Variants in SHROOM4 observed in about 807,000 individuals in gnomAD.
SHROOM4 encodes protein Shroom4.
A neutral mutation model predicts 80.3 loss-of-function variants in SHROOM4; 17 were observed. The ratio of observed to expected loss-of-function variants is 0.21; its 90% CI spans 0.14 to 0.32. The LOEUF is 0.32. Ranked by LOEUF, SHROOM4 falls within the 10% of genes least tolerant of loss-of-function variation. The pLI, the probability that SHROOM4 is intolerant of heterozygous loss-of-function variation, is 1.00. For missense variants in SHROOM4, 993 were observed against 1,140.3 expected, an observed-to-expected ratio of 0.87 and a Z score of 1.86; for synonymous variants, 400 against 437.5, an observed-to-expected ratio of 0.91 and a Z score of 1.07.
intron 1 of SHROOM4, among the ~76,000 whole-genome samples, chrX:50,772,592 AG>A (rs1439125136): frequency 2.7e-5 from 3 of 111,653 alleles, no homozygotes; most frequent in African/African-American, 9.8e-5. Context: ...TACTTACGCC[AG>A]AAAGACCCCA....
chrX:50,617,671 A>G (rs1930306849), intron 5 of SHROOM4, among the ~76,000 whole-genome samples: 1 of 96,023 alleles, frequency 1.0e-5, no homozygotes, highest in Non-Finnish European at 2.0e-5. Flanking sequence ...CAGTTGGAAG[A>G]AAAGAACATG....
chrX:50,633,891 A>G lies in SHROOM4; in HGVS notation c.2182T>C (p.Trp728Arg). ...HCGVRGGHWR[W>R]SPEHNSQPLV... ...GGCTGTGAATTATGCTCTGGAGACCATCTCCAATGACCTCCACGGACTCCA... is the reference window on the plus strand; with the variant it reads ...GGCTGTGAATTATGCTCTGGAGACCGTCTCCAATGACCTCCACGGACTCCA... The change falls in exon 4 of 9, where the codon TGG (tryptophan) becomes CGG (arginine). Residue 728 changes from tryptophan (W) to arginine (R), a missense_variant. Physicochemically the swap from Trp to Arg is moderately radical, Grantham distance 101 (BLOSUM62 -3). Coordinates refer to ENST00000376020, the MANE Select transcript of SHROOM4 (RefSeq NM_020717.5). 8.3e-7 allele frequency: 1 copy of G among 1,211,687 alleles called. No homozygotes were observed. The highest frequency in any genetic ancestry group is 1.1e-6 in the Non-Finnish European group (1 of 895,464).
At chrX:50,654,546 G>A (rs939168408) in intron 2 of SHROOM4, among the ~76,000 whole-genome samples, 1 of 110,334 alleles carries the variant, frequency 9.1e-6, no homozygotes, top group South Asian at 3.9e-4. Context: ...ATTTTTTGTG[G>A]TGAGAACATC....
At chrX:50,650,288 A>G (rs1557258482) in intron 2 of SHROOM4, among the ~76,000 whole-genome samples, 1 of 112,000 alleles carries the variant, frequency 8.9e-6, no homozygotes, top group East Asian at 2.8e-4. Context: ...GGTTATTTTT[A>G]TTTTTCATAC....
rs782488006 is a variant in SHROOM4, at chrX:50,633,445, G to C, written c.2628C>G (p.His876Gln). The C allele has an allele frequency of 8.3e-5, 101 of 1,210,586 alleles. 1 individual carries two copies. In the East Asian group the frequency reaches 3.0e-3, roughly 36 times the overall value. ...TCCTGTGGTAATCAAAATCACCACA[G>C]TGTAGTGGCTTACAACACATGGAAT... ...LENSMCCKPL[H>Q]CGDFDYHRTC... Residue 876 changes from histidine to glutamine, a missense_variant, in exon 4 of 9, where the codon CAC becomes CAG. Physicochemically the swap from His to Gln is conservative, Grantham distance 24. Transcript: ENST00000376020.
At position 50,618,277 on chromosome X, in the gene SHROOM4, CCCCTTCCT is replaced by C. The variant is rs1930349089; in HGVS notation, c.2957+9329_2957+9336del. Among the ~76,000 whole-genome samples the C allele has an allele frequency of 2.2e-3, 101 of 44,908 alleles. 16 individuals are homozygous for C. Among genetic ancestry groups the C allele is most frequent in the Admixed American group, 4.3e-3 (12 of 2,814 alleles). The allele number at this position is 44,908 out of a possible 115,157, so 39.0% of individuals were successfully genotyped here. A position where few individuals can be genotyped will look rare whatever the true frequency, so the allele number is the denominator to read the frequency against. On this transcript the variant is annotated intron_variant, in intron 5 of 8. Coordinates refer to ENST00000376020, the MANE Select transcript of SHROOM4 (RefSeq NM_020717.5). ...TTTCTTTCTTTTCTTCTCTTCTCTT[CCCCTTCCT>C]TCCTTCCTTCCTTCCTTCCTTCCTT...
intron 2 of SHROOM4, among the ~76,000 whole-genome samples, chrX:50,652,522 G>T (rs1421257163): frequency 9.0e-6 from 1 of 111,574 alleles, no homozygotes; most frequent in Non-Finnish European, 1.9e-5. Context: ...TCTGTAGGTT[G>T]CCTGTTCACT....
intron 1 of SHROOM4, among the ~76,000 whole-genome samples, chrX:50,770,651 T>C (rs1935376893): frequency 8.9e-6 from 1 of 112,039 alleles, no homozygotes; most frequent in African/African-American, 3.2e-5. Context: ...ACTTAGAGGT[T>C]CAAATAGCCC....
intron 1 of SHROOM4, among the ~76,000 whole-genome samples, chrX:50,776,173 T>C (rs1417613039): frequency 1.8e-5 from 2 of 111,431 alleles, no homozygotes; most frequent in Non-Finnish European, 3.8e-5. Flanking sequence ...CAGCAGCACC[T>C]TTCCCCTGGC....
At chrX:50,741,093 T>G in intron 1 of SHROOM4, among the ~76,000 whole-genome samples, 1 of 111,699 alleles carries the variant, frequency 9.0e-6, no homozygotes, top group Non-Finnish European at 1.9e-5. Flanking sequence ...GAAAATCAAT[T>G]GATTGTAAAT....
intron 2 of SHROOM4, 86 bp downstream of exon 2, chrX:50,695,700 T>G (rs1933349848): frequency 9.8e-7 from 1 of 1,015,447 alleles, no homozygotes; most frequent in Non-Finnish European, 1.4e-6. Flanking sequence ...TTTATAATAT[T>G]GATAGAGACA....
chrX:50,681,814 C>T (rs1266641286), intron 2 of SHROOM4, among the ~76,000 whole-genome samples: 3 of 111,970 alleles, frequency 2.7e-5, no homozygotes. Context: ...CGACACAGAC[C>T]ATGGCTCTAG....
At chrX:50,691,352 T>G (rs1270026357) in intron 2 of SHROOM4, among the ~76,000 whole-genome samples, 1 of 111,843 alleles carries the variant, frequency 8.9e-6, no homozygotes, top group Non-Finnish European at 1.9e-5. Context: ...TTCCTGATTT[T>G]TTTTTCCTAA....
chrX:50,652,408 T>A (rs1416743578), intron 2 of SHROOM4, among the ~76,000 whole-genome samples: 1 of 112,083 alleles, frequency 8.9e-6, no homozygotes, highest in Admixed American at 9.5e-5. Context: ...ATCCTTCACC[T>A]ATTTTTTGAT....
At chrX:50,699,681 T>C (rs1557263389) in intron 1 of SHROOM4, among the ~76,000 whole-genome samples, 4 of 111,939 alleles carry the variant, frequency 3.6e-5, no homozygotes, top group Non-Finnish European at 7.5e-5. Context: ...TTTGTGCTAA[T>C]GAGCTAGCAA....
chrX:50,723,315 G>A (rs1416410766), intron 1 of SHROOM4, among the ~76,000 whole-genome samples: 2 of 70,059 alleles, frequency 2.9e-5, no homozygotes, highest in African/African-American at 1.0e-4. Context: ...GTGGTGGGGG[G>A]AGGGGGGGAG....
intron 2 of SHROOM4, among the ~76,000 whole-genome samples, chrX:50,663,012 C>A (rs1377898977): frequency 9.0e-6 from 1 of 110,845 alleles, no homozygotes. Flanking sequence ...AGGTTAAGGG[C>A]AGATTATGTT....
At chrX:50,621,334 G>T (rs1474338031) in intron 5 of SHROOM4, among the ~76,000 whole-genome samples, 10 of 111,200 alleles carry the variant, frequency 9.0e-5, no homozygotes, top group Non-Finnish European at 1.7e-4. Flanking sequence ...TTTGATAATT[G>T]TTGTTTTATG....
intron 1 of SHROOM4, among the ~76,000 whole-genome samples, chrX:50,733,020 T>C (rs1271501777): frequency 1.8e-5 from 2 of 111,792 alleles, no homozygotes; most frequent in Non-Finnish European, 3.8e-5. Flanking sequence ...TTCAAGAAAA[T>C]TCTAGCAAAC....
Sources: gnomAD v4.1 joint callset for allele counts (sites outside exome capture counted in the v4.1 genomes callset) on GRCh38, gnomAD v4.1.1 for gene constraint, MANE v1.5 for transcripts, NCBI Gene and HGNC (gene_info 2026-07-23, HGNC 2026-07-21) for gene names.